The following CD99L2 variants were observed in gnomAD, a reference collection of about 807,000 sequenced individuals.
The protein encoded by CD99L2 is CD99 molecule like 2.
CD99L2 carries 24 observed loss-of-function variants against 27.3 expected under a neutral mutation model. The observed-to-expected ratio is 0.88, with a 90% CI of 0.64 to 1.24. The LOEUF is 1.24. Ranked by LOEUF, CD99L2 falls within the 50% of genes most tolerant of loss-of-function variation. CD99L2 has a pLI of 0.00. For missense variants in CD99L2, 255 were observed against 221.6 expected (o/e 1.15, Z -0.96); for synonymous variants, 97 against 87.9 (o/e 1.10, Z -0.58).
At chrX:150,797,539 A>G (rs2124122520) in intron 4 of CD99L2, among the ~76,000 whole-genome samples, 1 of 112,446 alleles carries the variant, frequency 8.9e-6, no homozygotes, top group South Asian at 3.7e-4. Flanking sequence ...TCCCTACCAA[A>G]ATCCCAATGA....
intron 4 of CD99L2, among the ~76,000 whole-genome samples, chrX:150,803,052 C>T (rs2045943196): frequency 9.4e-6 from 1 of 106,505 alleles, no homozygotes; most frequent in Admixed American, 1.0e-4. Flanking sequence ...CGTGCCACTA[C>T]ACCCCGCTAA....
At chrX:150,875,051 C>T (rs1557422277) in intron 1 of CD99L2, among the ~76,000 whole-genome samples, 1 of 111,672 alleles carries the variant, frequency 9.0e-6, no homozygotes, top group Non-Finnish European at 1.9e-5. Flanking sequence ...CCACCTCTTT[C>T]CTCCCTTGGC....
At chrX:150,803,549 T>C (rs1465110036) in intron 4 of CD99L2, among the ~76,000 whole-genome samples, 3 of 112,087 alleles carry the variant, frequency 2.7e-5, no homozygotes, top group Admixed American at 9.5e-5. Flanking sequence ...TTTATAGTTA[T>C]AGTAATCAGG....
At chrX:150,836,282 A>G (rs1215043816) in intron 1 of CD99L2, among the ~76,000 whole-genome samples, 1 of 111,658 alleles carries the variant, frequency 9.0e-6, no homozygotes, top group African/African-American at 3.3e-5. Flanking sequence ...GCAGGCTAAA[A>G]TGACCCATAC....
At chrX:150,770,680 G>A (rs1203490928) in intron 9 of CD99L2, among the ~76,000 whole-genome samples, 1 of 113,136 alleles carries the variant, frequency 8.8e-6, no homozygotes, top group Admixed American at 9.2e-5. Flanking sequence ...CCCAGTGGAG[G>A]GGGCGCCCGA....
Position 150,895,755 on chromosome X carries a change from C to T in CD99L2, c.67+2767G>A, listed in dbSNP as rs374961807. On this transcript the variant is annotated intron_variant, in intron 1 of 10. Coordinates refer to ENST00000370377, the MANE Select transcript of CD99L2 (RefSeq NM_031462.4). Reference sequence around the variant, plus strand: ...GATCCAGAAAACTGTTGGCTGGGCACGGTGGCTCACACCTGTAATCCCAGC... The same window carrying T: ...GATCCAGAAAACTGTTGGCTGGGCATGGTGGCTCACACCTGTAATCCCAGC... Among the ~76,000 whole-genome samples, 16 of 111,481 alleles carry T rather than the reference C, an allele frequency of 1.4e-4. No individual in the cohort carries two copies. The East Asian group carries it at 3.4e-3, about 24-fold the overall frequency.
intron 4 of CD99L2, among the ~76,000 whole-genome samples, chrX:150,804,047 C>G (rs990935972): frequency 6.2e-5 from 7 of 112,318 alleles, no homozygotes; most frequent in African/African-American, 1.6e-4. Flanking sequence ...GGACAACACT[C>G]TAGACCAAAT....
At chrX:150,886,651 C>A (rs182982541) in intron 1 of CD99L2, among the ~76,000 whole-genome samples, 3 of 111,817 alleles carry the variant, frequency 2.7e-5, no homozygotes, top group East Asian at 2.8e-4. Flanking sequence ...TGATTCGCCA[C>A]CCCCCACCCC....
intron 8 of CD99L2, 193 bp downstream of exon 8, chrX:150,777,251 T>G: frequency 2.1e-6 from 1 of 480,362 alleles, no homozygotes; most frequent in Non-Finnish European, 3.5e-6. Context: ...AGAAATTTCT[T>G]TGTAGGCAAA....
chrX:150,769,068 T>C lies in CD99L2; in HGVS notation c.755A>G (p.Glu252Gly). ...GGCTGGTTCGGGCGGCGGCGGCGGC[T>C]CTGCAGACTGCGTGTGCAACGTGGA... ...KYSTLHTQSA[E>G]PPPPPEPARI is the part of the protein sequence containing the mutation. The change falls in exon 11 of 11, where the codon GAG becomes GGG. Residue 252 changes from glutamate to glycine, a missense_variant. Transcript: ENST00000370377. 8.6e-7 allele frequency: 1 copy of C among 1,162,277 alleles called. No homozygotes were observed. The highest frequency in any genetic ancestry group is 1.1e-6 in the Non-Finnish European group (1 of 878,219).
chrX:150,843,347 T>C (rs2046650748), intron 1 of CD99L2, among the ~76,000 whole-genome samples: 1 of 112,168 alleles, frequency 8.9e-6, no homozygotes, highest in Non-Finnish European at 1.9e-5. Context: ...TTTTAAATTT[T>C]AAAATCCTGA....
intron 2 of CD99L2, among the ~76,000 whole-genome samples, chrX:150,818,056 T>TAATTTTAAATAAAAAAAAAAAAAAAA (rs1557420586): frequency 1.8e-5 from 2 of 109,650 alleles, no homozygotes; most frequent in Admixed American, 2.0e-4. Flanking sequence ...GAAGACATAA[T>TAATTTTAAATAAAAAAAAAAAAAAAA]AATTTTAAAT....
intron 2 of CD99L2, among the ~76,000 whole-genome samples, chrX:150,818,201 G>GAT (rs368100797): frequency 0.64 from 55,379 of 85,963 alleles, 16,179 homozygotes; most frequent in East Asian, 0.96. Flanking sequence ...CAAGTAGGCA[G>GAT]ATATATATAT....
Position 150,793,726 on chromosome X carries a change from A to C in CD99L2, c.461T>G (p.Val154Gly). Residue 154 changes from valine (V) to glycine (G), a missense_variant, in exon 7 of 11, where the codon GTA (valine) becomes GGA (glycine). Val to Gly is a moderately radical substitution (Grantham distance 109). Transcript: ENST00000370377. ...GFSDKDLEDI[V>G]GGGEYKPDKG... ...GTCAGGTTTGTATTCTCCACCCCCT[A>C]CTATGTCTTCAAGATCCTTGTCTGA... 2.5e-6 allele frequency: 3 copies of C among 1,198,934 alleles called. No individual in the cohort carries two copies. The highest frequency in any genetic ancestry group is 3.4e-6 in the Non-Finnish European group (3 of 889,770).
At chrX:150,877,141 A>C (rs1186638016) in intron 1 of CD99L2, among the ~76,000 whole-genome samples, 1 of 110,133 alleles carries the variant, frequency 9.1e-6, no homozygotes, top group Non-Finnish European at 1.9e-5. Flanking sequence ...AAAAAAAGAA[A>C]GAAAGAAACA....
At chrX:150,798,141 A>AG (rs1557419955) in intron 4 of CD99L2, among the ~76,000 whole-genome samples, 2 of 41,538 alleles carry the variant, frequency 4.8e-5, no homozygotes, top group African/African-American at 2.3e-4. Context: ...AAAGGAAGGA[A>AG]GGAAGGGAGG....
At chrX:150,872,542 T>TA (rs782797816) in intron 1 of CD99L2, among the ~76,000 whole-genome samples, 6,907 of 83,774 alleles carry the variant, frequency 0.082, 510 homozygotes, top group African/African-American at 0.22. Context: ...CTCAATATGT[T>TA]AAAAAAAAAA....
chrX:150,818,053 T>TAATAATTTTAAATAAAAAAAAAAA (rs782545494), intron 2 of CD99L2, among the ~76,000 whole-genome samples: 1,525 of 106,659 alleles, frequency 0.014, 42 homozygotes, highest in African/African-American at 0.05. Context: ...GAGGAAGACA[T>TAATAATTTTAAATAAAAAAAAAAA]AATAATTTTA....
At position 150,881,425 on chromosome X, in the gene CD99L2, C is replaced by G. The variant is rs139530291; in HGVS notation, c.67+17097G>C. ...AGATTGTAGCCAGAGCCAGCAATAC[C>G]TGTCACAATGCTCTGCCCCTGCCCT... On this transcript the variant is annotated intron_variant, in intron 1 of 10. Transcript: ENST00000370377. 8.7e-3 allele frequency among the ~76,000 whole-genome samples: 979 copies of G among 112,148 alleles called. 14 individuals are homozygous for G. Among genetic ancestry groups the G allele is most frequent in the African/African-American group, 0.03 (933 of 30,885 alleles).
Sources: allele counts gnomAD v4.1 joint callset (sites outside exome capture counted in the v4.1 genomes callset), GRCh38; gene constraint gnomAD v4.1.1; transcripts MANE v1.5; gene names NCBI Gene and HGNC (gene_info 2026-07-23, HGNC 2026-07-21).